The following IMPG1 variants were observed in gnomAD, a reference collection of about 807,000 sequenced individuals.
IMPG1 encodes interphotoreceptor matrix proteoglycan 1, also known as interphotoreceptor matrix proteoglycan of 150 kDa.
IMPG1 carries 85 observed loss-of-function variants against 92.0 expected under a neutral mutation model. That is an observed-to-expected ratio of 0.92 (90% confidence interval 0.78 to 1.11). The LOEUF (loss-of-function observed/expected upper bound fraction) is 1.11, where lower values mean the gene tolerates loss of function less well. Ranked by LOEUF, IMPG1 falls within the 50% of genes least tolerant of loss-of-function variation. The pLI is 0.00. For synonymous variants in IMPG1, 367 were observed against 334.1 expected (o/e 1.10, Z -1.08); for missense variants, 1,022 against 956.0 (o/e 1.07, Z -0.91).
intron 12 of IMPG1, among the ~76,000 whole-genome samples, chr6:75,951,664 A>G (rs1258747864): frequency 1.3e-5 from 2 of 152,218 alleles, no homozygotes; most frequent in Non-Finnish European, 2.9e-5. Context: ...TCCAAAATTG[A>G]GTAATCTAAT....
intron 8 of IMPG1, among the ~76,000 whole-genome samples, chr6:76,008,648 G>T (rs1374625275): frequency 6.6e-6 from 1 of 152,138 alleles, no homozygotes; most frequent in African/African-American, 2.4e-5. Context: ...TAATCCATGA[G>T]GTTCTGTAAA....
At chr6:75,974,371 CTTTCTTTCTTTCTT>C (rs1782483629) in intron 12 of IMPG1, among the ~76,000 whole-genome samples, 1 of 89,268 alleles carries the variant, frequency 1.1e-5, no homozygotes, top group African/African-American at 4.2e-5. Context: ...TTCTTTCTTT[CTTTCTTTCTTTCTT>C]TCTTTCTTTT....
chr6:75,991,169 G>C (rs947586819), intron 12 of IMPG1, among the ~76,000 whole-genome samples: 27 of 152,260 alleles, frequency 1.8e-4, no homozygotes, highest in African/African-American at 6.0e-4. Flanking sequence ...GAGGTGGGCA[G>C]ATCATGAGGT....
rs1554234868 is a variant in IMPG1 at position 76,021,778 on chromosome 6, C to CATATATATATATAATATAT, written c.666+337_666+338insATATATTATATATATATAT. Among the ~76,000 whole-genome samples the CATATATATATATAATATAT allele has an allele frequency of 4.0e-4, 20 of 49,486 alleles. 1 individual carries two copies. The highest frequency in any genetic ancestry group is 5.5e-4 in the Non-Finnish European group (15 of 27,306). The allele number at this position is 49,486 out of a possible 152,430, so 32.5% of individuals were successfully genotyped here. On this transcript the variant is annotated intron_variant, in intron 6 of 16. Transcript: ENST00000369950. ...TTCATTCATTCTAACACTTGGAGAG[C>CATATATATATATAATATAT]ATATATATATATATATATATATATG... is the stretch of plus-strand genomic sequence containing the variant.
chr6:75,977,802 A>C (rs1195844636), intron 12 of IMPG1, among the ~76,000 whole-genome samples: 3 of 151,034 alleles, frequency 2.0e-5, no homozygotes, highest in Non-Finnish European at 4.5e-5. Flanking sequence ...AAATTATCTG[A>C]AGTGACTTCA....
intron 12 of IMPG1, among the ~76,000 whole-genome samples, chr6:75,993,018 A>G (rs1782839897): frequency 6.6e-6 from 1 of 152,162 alleles, no homozygotes. Context: ...ACTATTTCAT[A>G]TGTGTAGGTC....
In IMPG1 at chr6:76,005,395, C is replaced by T. The variant is rs935687855; in HGVS notation, c.1027G>A (p.Asp343Asn). ...GTGAGATAGATTTCTGGTTGCTTGT[C>T]CTCCTCCATGGTTCCATGATAGACT... The part of the protein sequence containing the change: ...EEVYHGTMEE[D>N]KQPEIYLTAT... Residue 343 changes from aspartate (D) to asparagine (N), a missense_variant, in exon 10 of 17, where the codon GAC (aspartate) becomes AAC (asparagine). This residue lies in a region of IMPG1 where 681 missense variants were observed against 583.6 expected (regional missense o/e 1.17). Coordinates refer to ENST00000369950, the MANE Select transcript of IMPG1 (RefSeq NM_001563.4). The T allele has an allele frequency of 5.6e-6, 9 of 1,614,020 alleles. No individual in the cohort carries two copies. The highest frequency in any genetic ancestry group is 7.6e-6 in the Non-Finnish European group (9 of 1,179,958).
At chr6:76,005,207 G>T in intron 10 of IMPG1, 80 bp downstream of exon 10, 1 of 1,419,978 alleles carries the variant, frequency 7.0e-7, no homozygotes, top group Non-Finnish European at 9.7e-7. Context: ...AAGTTAAAAT[G>T]ACAGTTTCCA....
chr6:76,059,418 A>G (rs1199654248), intron 1 of IMPG1, among the ~76,000 whole-genome samples: 1 of 145,948 alleles, frequency 6.9e-6, no homozygotes, highest in Non-Finnish European at 1.5e-5. Context: ...TTTTTAAGTG[A>G]AAAATAGAAA....
At chr6:76,013,487 A>G (rs1783228221) in intron 7 of IMPG1, among the ~76,000 whole-genome samples, 1 of 152,062 alleles carries the variant, frequency 6.6e-6, no homozygotes, top group African/African-American at 2.4e-5. Flanking sequence ...GCCAGCTCAG[A>G]CATCTTCTGT....
intron 1 of IMPG1, among the ~76,000 whole-genome samples, chr6:76,056,218 G>A (rs979811469): frequency 1.3e-5 from 2 of 151,960 alleles, no homozygotes; most frequent in African/African-American, 2.4e-5. Context: ...ATGAATCAAA[G>A]GAGAAAAACT....
At chr6:76,010,672 C>T (rs1341093701) in intron 8 of IMPG1, among the ~76,000 whole-genome samples, 1 of 152,116 alleles carries the variant, frequency 6.6e-6, no homozygotes, top group East Asian at 1.9e-4. Flanking sequence ...CTATTCCTTT[C>T]CACCCCATTT....
chr6:75,970,587 T>C (rs1782395704), intron 12 of IMPG1, among the ~76,000 whole-genome samples: 1 of 152,168 alleles, frequency 6.6e-6, no homozygotes, highest in African/African-American at 2.4e-5. Flanking sequence ...ATGAGGAAAG[T>C]GTGAGTATGC....
At chr6:75,976,642 T>C (rs146525366) in intron 12 of IMPG1, among the ~76,000 whole-genome samples, 10 of 152,268 alleles carry the variant, frequency 6.6e-5, no homozygotes, top group African/African-American at 2.4e-4. Flanking sequence ...CCAGGTGCGG[T>C]GTCTCATGCC....
intron 12 of IMPG1, among the ~76,000 whole-genome samples, chr6:75,998,863 A>T (rs1179050477): frequency 6.6e-6 from 1 of 152,084 alleles, no homozygotes; most frequent in Non-Finnish European, 1.5e-5. Flanking sequence ...ATGAAATAGG[A>T]GTGATCTTTT....
chr6:75,927,364 A>AT (rs1158045631), intron 15 of IMPG1, among the ~76,000 whole-genome samples: 1 of 152,130 alleles, frequency 6.6e-6, no homozygotes, highest in Admixed American at 6.6e-5. Context: ...AAAACCTCTA[A>AT]TTGTAACCAG....
chr6:76,018,660 C>T lies in IMPG1; in HGVS notation c.807+58G>A, dbSNP rs538396073. 5.4e-4 allele frequency: 827 copies of T among 1,519,922 alleles called. 13 individuals carry two copies. The South Asian group carries it at 9.1e-3, about 17-fold the overall frequency. 94.2% of individuals were successfully genotyped at this position (1,519,922 alleles called of 1,614,324 possible). A position where few individuals can be genotyped will look rare whatever the true frequency, so the allele number is the denominator to read the frequency against. ...TTCGCCGTAAGGGTTTATGTCCTAT[C>T]GGCTCCCACCTCTCAGTCACAGCTT... On this transcript the variant is annotated intron_variant, in intron 7 of 16. Coordinates refer to ENST00000369950, the MANE Select transcript of IMPG1 (RefSeq NM_001563.4).
At chr6:75,968,608 A>G in intron 12 of IMPG1, among the ~76,000 whole-genome samples, 1 of 151,238 alleles carries the variant, frequency 6.6e-6, no homozygotes, top group African/African-American at 2.4e-5. Context: ...TCCATCATTT[A>G]CTATTTTTCA....
chr6:76,055,532 T>C (rs1397229166), intron 1 of IMPG1, among the ~76,000 whole-genome samples: 1 of 118,596 alleles, frequency 8.4e-6, no homozygotes, highest in South Asian at 3.3e-4. Flanking sequence ...CAAAGAAAAT[T>C]AGAAAAAACA....
Sources: gnomAD v4.1 joint callset for allele counts (sites outside exome capture counted in the v4.1 genomes callset) on GRCh38, gnomAD v4.1.1 for gene constraint, gnomAD v4.1.1 regional missense constraint, MANE v1.5 for transcripts, NCBI Gene and HGNC (gene_info 2026-07-23, HGNC 2026-07-21) for gene names.